The following SPATA17 variants were observed in gnomAD, a reference collection of about 807,000 sequenced individuals.
SPATA17 encodes spermatogenesis-associated protein 17.
A neutral mutation model predicts 62.2 loss-of-function variants in SPATA17; 53 were observed. The observed-to-expected ratio is 0.85, with a 90% CI of 0.68 to 1.07. The LOEUF (loss-of-function observed/expected upper bound fraction) is 1.07. SPATA17 is among the 50% of genes least tolerant of loss of function. The probability of loss-of-function intolerance (pLI) is 0.00; values close to 1 mark genes in which losing one functional copy is unlikely to be tolerated. For synonymous variants in SPATA17, 146 were observed against 146.8 expected (o/e 0.99, Z 0.04); for missense variants, 466 against 425.5 (o/e 1.10, Z -0.84).
intron 1 of SPATA17, among the ~76,000 whole-genome samples, chr1:217,646,331 A>G (rs983343299): frequency 4.6e-5 from 7 of 152,164 alleles, no homozygotes; most frequent in African/African-American, 1.4e-4. Flanking sequence ...TAGCAGCAAT[A>G]TATATGAATT....
Position 217,768,787 on chromosome 1 carries a change from C to T in SPATA17, c.520-5547C>T, listed in dbSNP as rs543076970. Among the ~76,000 whole-genome samples the T allele has an allele frequency of 3.9e-5, 6 of 152,170 alleles. No homozygotes were observed. The South Asian group carries it at 6.2e-4, about 16-fold the overall frequency. Reference sequence around the variant, plus strand: ...GATTACAGACGTGAGCCACCGTGCCCGGTCAGCTCTACCCATCTTTAGAAC... The same window carrying T: ...GATTACAGACGTGAGCCACCGTGCCTGGTCAGCTCTACCCATCTTTAGAAC... On this transcript the variant is annotated intron_variant, in intron 6 of 10. Coordinates refer to ENST00000366933, the MANE Select transcript of SPATA17 (RefSeq NM_138796.4).
chr1:217,736,549 A>G (rs1335475804), intron 5 of SPATA17, among the ~76,000 whole-genome samples: 1 of 124,660 alleles, frequency 8.0e-6, no homozygotes, highest in Admixed American at 7.6e-5. Flanking sequence ...GAAAGTAAAT[A>G]CAATTTAAGT....
At chr1:217,664,021 T>C (rs529415419) in intron 3 of SPATA17, among the ~76,000 whole-genome samples, 1 of 151,866 alleles carries the variant, frequency 6.6e-6, no homozygotes, top group Non-Finnish European at 1.5e-5. Flanking sequence ...GAAACAGTCT[T>C]TTAATATAAA....
At chr1:217,857,141 G>A (rs935162285) in intron 9 of SPATA17, among the ~76,000 whole-genome samples, 4 of 152,096 alleles carry the variant, frequency 2.6e-5, no homozygotes, top group Non-Finnish European at 5.9e-5. Flanking sequence ...AATCTCAAAA[G>A]TTTTGTCTCC....
intron 8 of SPATA17, among the ~76,000 whole-genome samples, chr1:217,795,141 G>GA (rs1303944836): frequency 4.6e-5 from 7 of 152,000 alleles, no homozygotes; most frequent in African/African-American, 1.7e-4. Flanking sequence ...TAAATTTGGG[G>GA]AAAAATTACA....
intron 6 of SPATA17, among the ~76,000 whole-genome samples, chr1:217,749,943 T>TTCTCTCTCTCTCTC (rs1188300100): frequency 3.1e-4 from 13 of 41,464 alleles, no homozygotes; most frequent in Non-Finnish European, 4.6e-4. Flanking sequence ...TGTCATAAGA[T>TTCTCTCTCTCTCTC]TCTCTCTCTC....
intron 6 of SPATA17, among the ~76,000 whole-genome samples, chr1:217,745,578 A>G (rs555109770): frequency 3.7e-4 from 56 of 152,238 alleles, no homozygotes; most frequent in Admixed American, 2.3e-3. Flanking sequence ...GTCTCCATCT[A>G]AACAAAAGTA....
chr1:217,654,181 A>G (rs1171785222), intron 3 of SPATA17, among the ~76,000 whole-genome samples: 1 of 149,284 alleles, frequency 6.7e-6, no homozygotes, highest in Non-Finnish European at 1.5e-5. Context: ...TCTGTTGTCC[A>G]GACTGGAGTG....
intron 9 of SPATA17, among the ~76,000 whole-genome samples, chr1:217,809,679 G>A (rs958138304): frequency 1.3e-5 from 2 of 152,110 alleles, no homozygotes; most frequent in African/African-American, 4.8e-5. Flanking sequence ...AGCAATTTAC[G>A]AGGTATCTGT....
intron 8 of SPATA17, among the ~76,000 whole-genome samples, chr1:217,783,484 G>C (rs1360083314): frequency 6.6e-6 from 1 of 151,972 alleles, no homozygotes; most frequent in Non-Finnish European, 1.5e-5. Context: ...CATATGATGA[G>C]TAAGAAAATA....
At chr1:217,663,252 C>T (rs1470776118) in intron 3 of SPATA17, among the ~76,000 whole-genome samples, 2 of 152,072 alleles carry the variant, frequency 1.3e-5, no homozygotes, top group African/African-American at 4.8e-5. Context: ...CGAGACCAAC[C>T]TGGCCAACTT....
Position 217,822,766 on chromosome 1 carries a change from G to A in SPATA17, c.1005+20916G>A, listed in dbSNP as rs557839895. On this transcript the variant is annotated intron_variant, in intron 9 of 10. Coordinates refer to ENST00000366933, the MANE Select transcript of SPATA17 (RefSeq NM_138796.4). ...AGTTGTTTGTACTATGTTTTTTAATGTATGGGTTTCTGTTTTCTATTTTTT... is the reference window on the plus strand; with the variant it reads ...AGTTGTTTGTACTATGTTTTTTAATATATGGGTTTCTGTTTTCTATTTTTT... 1.2e-4 allele frequency among the ~76,000 whole-genome samples: 17 copies of A among 142,732 alleles called. No homozygotes were observed. In the South Asian group the frequency reaches 1.8e-3, roughly 15 times the overall value. The allele number at this position is 142,732 out of a possible 152,430, so 93.6% of individuals were successfully genotyped here.
At chr1:217,632,160 G>A (rs1235338195) in intron 1 of SPATA17, among the ~76,000 whole-genome samples, 1 of 151,836 alleles carries the variant, frequency 6.6e-6, no homozygotes, top group Admixed American at 6.6e-5. Context: ...TCCAGCCTGG[G>A]TGACAAATTA....
At chr1:217,747,809 C>T (rs1035080307) in intron 6 of SPATA17, among the ~76,000 whole-genome samples, 3 of 152,062 alleles carry the variant, frequency 2.0e-5, no homozygotes, top group Non-Finnish European at 4.4e-5. Flanking sequence ...TGTTTTTCCT[C>T]ACTCATCACT....
intron 6 of SPATA17, among the ~76,000 whole-genome samples, chr1:217,761,413 G>A (rs79517993): frequency 0.011 from 1,654 of 152,152 alleles, 22 homozygotes; most frequent in African/African-American, 0.038. Flanking sequence ...CTTCCTTCCC[G>A]ATACTGCTCA....
chr1:217,795,066 G>A (rs1242326487), intron 8 of SPATA17, among the ~76,000 whole-genome samples: 1 of 152,120 alleles, frequency 6.6e-6, no homozygotes, highest in Non-Finnish European at 1.5e-5. Flanking sequence ...CTATGAACAT[G>A]ATTTTCCAAA....
At chr1:217,847,935 T>C (rs1227990738) in intron 9 of SPATA17, among the ~76,000 whole-genome samples, 1 of 151,842 alleles carries the variant, frequency 6.6e-6, no homozygotes, top group Admixed American at 6.6e-5. Context: ...GGGAGGCCGA[T>C]GTGGGAGAAT....
intron 9 of SPATA17, among the ~76,000 whole-genome samples, chr1:217,818,078 GA>G (rs1403922909): frequency 1.3e-5 from 2 of 151,864 alleles, no homozygotes; most frequent in Non-Finnish European, 2.9e-5. Context: ...AGAAAATTTA[GA>G]AAAGAGAGAA....
At chr1:217,681,213 G>A (rs1051155187) in intron 4 of SPATA17, among the ~76,000 whole-genome samples, 42 of 151,064 alleles carry the variant, frequency 2.8e-4, no homozygotes, top group African/African-American at 9.2e-4. Context: ...GTGACAGAGC[G>A]AGACTCTGTC....
Sources: allele counts gnomAD v4.1 joint callset (sites outside exome capture counted in the v4.1 genomes callset), GRCh38; gene constraint gnomAD v4.1.1; transcripts MANE v1.5; gene names NCBI Gene and HGNC (gene_info 2026-07-23, HGNC 2026-07-21).